The following BCAS4 variants were observed in gnomAD, a reference collection of about 807,000 sequenced individuals.
BCAS4 encodes the protein breast carcinoma amplified sequence 4.
BCAS4 carries 9 observed loss-of-function variants against 15.7 expected under a neutral mutation model. The ratio of observed to expected loss-of-function variants is 0.57; its 90% CI spans 0.34 to 1.00. The LOEUF (loss-of-function observed/expected upper bound fraction) is 1.00. Ranked by LOEUF, BCAS4 falls within the 50% of genes least tolerant of loss-of-function variation. The pLI is 0.02. For missense variants in BCAS4, 225 were observed against 239.1 expected (o/e 0.94, Z 0.39); for synonymous variants, 101 against 99.5 (o/e 1.02, Z -0.09).
chr20:50,799,258 CT>C (rs1356836687), intron 1 of BCAS4, among the ~76,000 whole-genome samples: 4 of 152,164 alleles, frequency 2.6e-5, no homozygotes, highest in Admixed American at 6.5e-5. Context: ...TCAGGGCTGT[CT>C]TTAACTCAGT....
intron 4 of BCAS4, among the ~76,000 whole-genome samples, chr20:50,868,850 C>A (rs1451202667): frequency 6.6e-6 from 1 of 152,256 alleles, no homozygotes; most frequent in East Asian, 1.9e-4. Context: ...ACAGGCTGCA[C>A]CTGGTGCTTT....
At chr20:50,855,465 T>C (rs1978704164) in intron 4 of BCAS4, among the ~76,000 whole-genome samples, 1 of 152,118 alleles carries the variant, frequency 6.6e-6, no homozygotes, top group Non-Finnish European at 1.5e-5. Context: ...AAACCTTCAC[T>C]GTGCCCCCTG....
chr20:50,822,097 CCTT>C (rs1440127035), intron 2 of BCAS4, among the ~76,000 whole-genome samples: 1 of 152,160 alleles, frequency 6.6e-6, no homozygotes, highest in African/African-American at 2.4e-5. Flanking sequence ...GAAGCTGGCT[CCTT>C]CATCACTTGT....
intron 1 of BCAS4, among the ~76,000 whole-genome samples, chr20:50,810,842 G>A (rs535805583): frequency 3.3e-5 from 5 of 151,974 alleles, no homozygotes; most frequent in Admixed American, 1.3e-4. Flanking sequence ...TGTCCGCCTC[G>A]GCCCCTCAAA....
chr20:50,817,784 G>C (rs973951292), intron 1 of BCAS4, among the ~76,000 whole-genome samples: 2 of 151,896 alleles, frequency 1.3e-5, no homozygotes, highest in Non-Finnish European at 2.9e-5. Flanking sequence ...GGGTATCACC[G>C]GGGCCACTGT....
At chr20:50,874,694 C>T (rs189484840) in intron 4 of BCAS4, among the ~76,000 whole-genome samples, 9 of 152,202 alleles carry the variant, frequency 5.9e-5, no homozygotes, top group Admixed American at 3.9e-4. Context: ...ACTCCTGAGT[C>T]TTGATCTCCC....
intron 2 of BCAS4, among the ~76,000 whole-genome samples, chr20:50,830,061 G>T (rs574384421): frequency 6.6e-6 from 1 of 152,280 alleles, no homozygotes; most frequent in East Asian, 1.9e-4. Context: ...TTAATTTGTG[G>T]TTCAGTACAT....
intron 2 of BCAS4, among the ~76,000 whole-genome samples, chr20:50,822,175 G>T (rs564327910): frequency 6.6e-6 from 1 of 152,138 alleles, no homozygotes; most frequent in Non-Finnish European, 1.5e-5. Context: ...CCCCGTGCAC[G>T]CTCTCCACGT....
At chr20:50,878,421 T>G (rs1980043574), downstream of BCAS4, 2 of 152,286 alleles carry the variant, frequency 1.3e-5, no homozygotes, top group South Asian at 4.1e-4. Context: ...CCTCCTACTT[T>G]GGCCTCCCAA....
At chr20:50,812,904 C>T (rs2088089165) in intron 1 of BCAS4, among the ~76,000 whole-genome samples, 1 of 152,158 alleles carries the variant, frequency 6.6e-6, no homozygotes. Flanking sequence ...CAGCCTTGAT[C>T]TTCTGGGCTC....
intron 4 of BCAS4, among the ~76,000 whole-genome samples, chr20:50,871,585 C>T (rs1979646669): frequency 1.3e-5 from 2 of 152,222 alleles, no homozygotes; most frequent in Non-Finnish European, 2.9e-5. Flanking sequence ...TTTTGAGGCT[C>T]ATGAACAGGA....
intron 4 of BCAS4, among the ~76,000 whole-genome samples, chr20:50,845,448 C>T (rs1448870514): frequency 1.3e-5 from 2 of 152,190 alleles, no homozygotes; most frequent in Non-Finnish European, 2.9e-5. Context: ...AGGGCCATCA[C>T]CCTCAGAGGC....
At chr20:50,833,209 G>A (rs1409822283) in intron 3 of BCAS4, among the ~76,000 whole-genome samples, 4 of 152,154 alleles carry the variant, frequency 2.6e-5, no homozygotes, top group Admixed American at 2.0e-4. Context: ...GAAGGATCCT[G>A]GGAAGCCAGG....
At chr20:50,865,451 G>T (rs147562079) in intron 4 of BCAS4, among the ~76,000 whole-genome samples, 407 of 152,272 alleles carry the variant, frequency 2.7e-3, no homozygotes, top group African/African-American at 9.1e-3. Context: ...GTAGCCAGCA[G>T]CTTGGCAAGA....
intron 4 of BCAS4, among the ~76,000 whole-genome samples, chr20:50,843,856 A>C (rs560565224): frequency 6.6e-6 from 1 of 152,284 alleles, no homozygotes. Flanking sequence ...TTAAAAGCAC[A>C]TTTGGGGCCG....
At chr20:50,869,682 G>A (rs1354579482) in intron 4 of BCAS4, among the ~76,000 whole-genome samples, 1 of 151,796 alleles carries the variant, frequency 6.6e-6, no homozygotes, top group Admixed American at 6.6e-5. Flanking sequence ...TTCTATTTGG[G>A]AGAACAGATT....
chr20:50,849,223 A>C (rs547050240), intron 4 of BCAS4, among the ~76,000 whole-genome samples: 1 of 152,280 alleles, frequency 6.6e-6, no homozygotes, highest in Non-Finnish European at 1.5e-5. Flanking sequence ...ATTTTGATTA[A>C]TTTTTCTGAT....
intron 4 of BCAS4, among the ~76,000 whole-genome samples, chr20:50,845,299 G>A (rs1400263024): frequency 6.6e-6 from 1 of 152,124 alleles, no homozygotes; most frequent in Non-Finnish European, 1.5e-5. Context: ...TCTGGGAGGT[G>A]AGAGTCCTCG....
intron 4 of BCAS4, among the ~76,000 whole-genome samples, chr20:50,855,005 C>T (rs746801927): frequency 9.2e-5 from 14 of 152,174 alleles, no homozygotes; most frequent in East Asian, 3.9e-4. Flanking sequence ...CAGGGGTGGC[C>T]GGGTTCGTGG....
Sources: allele counts gnomAD v4.1 joint callset (sites outside exome capture counted in the v4.1 genomes callset), GRCh38; gene constraint gnomAD v4.1.1; transcripts MANE v1.5; gene names NCBI Gene and HGNC (gene_info 2026-07-23, HGNC 2026-07-21).